LRGUK: variants seen among roughly 807,000 people sequenced by gnomAD.
LRGUK encodes leucine rich repeats and guanylate kinase domain containing.
LRGUK carries 65 observed loss-of-function variants against 76.0 expected under a neutral mutation model. The observed-to-expected ratio is 0.85, with a 90% CI of 0.70 to 1.05. The LOEUF is 1.05. Ranked by LOEUF, LRGUK falls within the 50% of genes least tolerant of loss-of-function variation. The pLI is 0.00. For missense variants in LRGUK, 758 were observed against 732.8 expected (o/e 1.03, Z -0.40); for synonymous variants, 268 against 265.6 (o/e 1.01, Z -0.09).
At chr7:134,249,226 C>T in intron 18 of LRGUK, 150 bp downstream of exon 18, 1 of 847,680 alleles carries the variant, frequency 1.2e-6, no homozygotes, top group Non-Finnish European at 1.7e-6. Context: ...TAGACCCTGC[C>T]CCTCTATGGA....
At chr7:134,158,849 T>G (rs1798594271) in intron 6 of LRGUK, among the ~76,000 whole-genome samples, 1 of 152,060 alleles carries the variant, frequency 6.6e-6, no homozygotes, top group South Asian at 2.1e-4. Flanking sequence ...AACTTGGGGG[T>G]CTACAGTATT....
At chr7:134,176,521 G>C (rs979874444) in intron 8 of LRGUK, among the ~76,000 whole-genome samples, 2 of 151,040 alleles carry the variant, frequency 1.3e-5, no homozygotes, top group African/African-American at 2.4e-5. Flanking sequence ...CTGGGACTAC[G>C]GGCACCTGCC....
intron 16 of LRGUK, among the ~76,000 whole-genome samples, chr7:134,226,995 C>G (rs767086421): frequency 7.2e-5 from 11 of 151,938 alleles, no homozygotes; most frequent in Non-Finnish European, 1.3e-4. Flanking sequence ...AAAGGCAGAC[C>G]TGGTAATTCA....
At chr7:134,162,538 G>A (rs1167206399) in intron 6 of LRGUK, among the ~76,000 whole-genome samples, 1 of 152,006 alleles carries the variant, frequency 6.6e-6, no homozygotes, top group African/African-American at 2.4e-5. Context: ...TAAGAGGAGG[G>A]GACCACGGCC....
chr7:134,131,353 C>G (rs746344873), intron 1 of LRGUK, among the ~76,000 whole-genome samples: 8 of 152,068 alleles, frequency 5.3e-5, no homozygotes, highest in Admixed American at 2.0e-4. Flanking sequence ...ATACATGGTC[C>G]CTGCTCTCAA....
chr7:134,183,981 C>A (rs1799872768), intron 11 of LRGUK, 128 bp downstream of exon 11: 2 of 1,227,068 alleles, frequency 1.6e-6, no homozygotes, highest in South Asian at 1.5e-5. Context: ...CAGAAATGTA[C>A]AAAACAACTT....
chr7:134,136,697 T>C (rs1585416178), intron 1 of LRGUK, among the ~76,000 whole-genome samples: 1 of 152,132 alleles, frequency 6.6e-6, no homozygotes, highest in Non-Finnish European at 1.5e-5. Context: ...GTTAGTACAG[T>C]GTCTGGAATA....
At chr7:134,216,501 A>G (rs1049069047) in intron 15 of LRGUK, among the ~76,000 whole-genome samples, 1 of 152,176 alleles carries the variant, frequency 6.6e-6, no homozygotes, top group African/African-American at 2.4e-5. Flanking sequence ...GGAAACATCA[A>G]TTCTGAGATT....
intron 11 of LRGUK, among the ~76,000 whole-genome samples, chr7:134,190,244 T>C (rs184727391): frequency 3.3e-5 from 5 of 152,334 alleles, no homozygotes; most frequent in Admixed American, 2.6e-4. Flanking sequence ...TGTTGCTCTG[T>C]TGCCTCGGCT....
rs144331753 is a variant in LRGUK, at chr7:134,229,569, A to G, written c.1983+7651A>G. Among the ~76,000 whole-genome samples, 578 of 152,348 alleles carry G rather than the reference A, an allele frequency of 3.8e-3. 3 individuals are homozygous for G. The highest frequency in any genetic ancestry group is 5.8e-3 in the Non-Finnish European group (392 of 68,028). On this transcript the variant is annotated intron_variant, in intron 16 of 19. Transcript: ENST00000285928. The stretch of plus-strand genomic sequence containing the variant: ...ACCATGTTTATGGATTGATGGCTCC[A>G]TATTCCATATTATACAAATGTCTGT...
At chr7:134,275,248 T>C in the LRGUK span, among the ~76,000 whole-genome samples, 1 of 152,206 alleles carries the variant, frequency 6.6e-6, no homozygotes, top group Non-Finnish European at 1.5e-5. Flanking sequence ...ATTTTGGCTT[T>C]ATATTCAATA....
intron 12 of LRGUK, 72 bp downstream of exon 12, chr7:134,191,823 T>A: frequency 9.7e-7 from 1 of 1,033,442 alleles, no homozygotes; most frequent in Admixed American, 2.5e-5. Context: ...AGGAAATAGT[T>A]ATAAATAAAA....
At chr7:134,260,330 G>A (rs2117229405) in intron 19 of LRGUK, among the ~76,000 whole-genome samples, 1 of 152,228 alleles carries the variant, frequency 6.6e-6, no homozygotes, top group East Asian at 1.9e-4. Flanking sequence ...TATACACATA[G>A]CAGAAGATTG....
At chr7:134,237,031 G>T (rs1381853325) in intron 16 of LRGUK, among the ~76,000 whole-genome samples, 1 of 150,500 alleles carries the variant, frequency 6.6e-6, no homozygotes, top group Non-Finnish European at 1.5e-5. Flanking sequence ...GGATCAGCAG[G>T]CTAAATGCTT....
chr7:134,264,811 T>G (rs548648579), downstream of LRGUK, among the ~76,000 whole-genome samples: 3 of 152,352 alleles, frequency 2.0e-5, no homozygotes, highest in Admixed American at 2.0e-4. Context: ...AATGGTCTTT[T>G]CTCTGAGTAC....
chr7:134,206,905 G>A (rs1439859622), intron 15 of LRGUK, among the ~76,000 whole-genome samples: 1 of 152,164 alleles, frequency 6.6e-6, no homozygotes, highest in Non-Finnish European at 1.5e-5. Flanking sequence ...AAGAAATGAT[G>A]ATGGTTATGA....
At chr7:134,160,502 T>G (rs1360350078) in intron 6 of LRGUK, among the ~76,000 whole-genome samples, 1 of 152,216 alleles carries the variant, frequency 6.6e-6, no homozygotes, top group Admixed American at 6.5e-5. Context: ...TTATTTTTAA[T>G]TCATGGAATC....
At chr7:134,153,594 G>A (rs892252939) in intron 5 of LRGUK, among the ~76,000 whole-genome samples, 5 of 152,044 alleles carry the variant, frequency 3.3e-5, no homozygotes, top group Admixed American at 6.6e-5. Context: ...TGTGGAAGAG[G>A]AACCTGAGAC....
At chr7:134,183,751 A>C in exon 11 of LRGUK, 1 of 1,614,008 alleles carries the variant, frequency 6.2e-7, no homozygotes. Flanking sequence ...CCCAGCCTGG[A>C]TGCCCCTTAT....
Sources: allele counts gnomAD v4.1 joint callset (sites outside exome capture counted in the v4.1 genomes callset), GRCh38; gene constraint gnomAD v4.1.1; transcripts MANE v1.5; gene names NCBI Gene and HGNC (gene_info 2026-07-23, HGNC 2026-07-21).